URB1: variants seen among roughly 807,000 people sequenced by gnomAD.
URB1 encodes URB1 ribosome biogenesis factor, also known as nucleolar pre-ribosomal-associated protein 1.
URB1 carries 197 observed loss-of-function variants against 242.3 expected under a neutral mutation model. That is an observed-to-expected ratio of 0.81 (90% CI 0.72 to 0.91). The LOEUF (loss-of-function observed/expected upper bound fraction) is 0.91, where lower values mean the gene tolerates loss of function less well. Ranked by LOEUF, URB1 falls within the 40% of genes least tolerant of loss-of-function variation. URB1 has a pLI of 0.00. For synonymous variants in URB1, 1,153 were observed against 1,201.8 expected (o/e 0.96, Z 0.84); for missense variants, 2,721 against 2,860.5 (o/e 0.95, Z 1.11).
intron 26 of URB1, among the ~76,000 whole-genome samples, chr21:32,338,251 C>A (rs891864763): frequency 2.0e-5 from 3 of 152,130 alleles, no homozygotes; most frequent in African/African-American, 7.2e-5. Context: ...AGGGATGGAG[C>A]CTAAACTTAG....
intron 1 of URB1, among the ~76,000 whole-genome samples, chr21:32,391,193 A>G (rs1310791888): frequency 6.8e-6 from 1 of 146,070 alleles, no homozygotes. Flanking sequence ...CAGGAAGGGG[A>G]ACATCACACA....
intron 34 of URB1, among the ~76,000 whole-genome samples, 167 bp from the exon 35 acceptor site, chr21:32,320,807 TC>T (rs2032756053): frequency 6.6e-6 from 1 of 152,212 alleles, no homozygotes; most frequent in African/African-American, 2.4e-5. Flanking sequence ...AACGTGCCCT[TC>T]CCTACAAGAG....
In URB1 at chr21:32,357,479, A is replaced by G. The variant is rs774451623; in HGVS notation, c.1989+58T>C. ...AATAACTGTTAACTAAACACTTACC[A>G]TAAGGAAGATCTATACAAAATGCTT... is the stretch of plus-strand genomic sequence containing the variant. On this transcript the variant is annotated intron_variant, in intron 15 of 38. Coordinates refer to ENST00000382751, the MANE Select transcript of URB1 (RefSeq NM_014825.3). The G allele has an allele frequency of 2.3e-5, 33 of 1,410,016 alleles. 1 individual carries two copies. The South Asian group carries it at 3.9e-4, about 17-fold the overall frequency. 87.3% of individuals were successfully genotyped at this position (1,410,016 alleles called of 1,614,324 possible).
Position 32,347,881 on chromosome 21 carries a change from G to A in URB1, c.3013-70C>T, listed in dbSNP as rs560968081. 236 of 1,461,852 alleles carry A rather than the reference G, an allele frequency of 1.6e-4. 3 individuals carry two copies. In the African/African-American group the frequency reaches 2.0e-3, roughly 13 times the overall value. 90.6% of individuals were successfully genotyped at this position (1,461,852 alleles called of 1,614,324 possible). A position where few individuals can be genotyped will look rare whatever the true frequency, so the allele number is the denominator to read the frequency against. ...CTAAGACAGGGGCGGCAGCTGCCAC[G>A]CAAGTATTCACTGTTGTTAGCGAGA... On this transcript the variant is annotated intron_variant, in intron 21 of 38. Coordinates refer to ENST00000382751, the MANE Select transcript of URB1 (RefSeq NM_014825.3).
In URB1 at chr21:32,392,933, C is replaced by A; in HGVS notation, c.-23G>T. ...CATGGCCGAGAGGGCGGAAGCGCGA[C>A]GGAAACGACACACCTGAGGGGACCC... is the stretch of plus-strand genomic sequence containing the variant. On this transcript the variant is annotated 5_prime_UTR_variant, in exon 1 of 39. Transcript: ENST00000382751. 2.0e-6 allele frequency: 3 copies of A among 1,492,914 alleles called. No individual in the cohort carries two copies. Among genetic ancestry groups the A allele is most frequent in the Non-Finnish European group, 2.7e-6 (3 of 1,121,800 alleles). The allele number at this position is 1,492,914 out of a possible 1,614,324, so 92.5% of individuals were successfully genotyped here. A position where few individuals can be genotyped will look rare whatever the true frequency, so the allele number is the denominator to read the frequency against.
At chr21:32,329,047 T>C (rs576699300) in intron 30 of URB1, among the ~76,000 whole-genome samples, 1 of 150,242 alleles carries the variant, frequency 6.7e-6, no homozygotes, top group East Asian at 2.0e-4. Context: ...GAGGCTGAGG[T>C]GGGAGGATTA....
chr21:32,331,611 G>A (rs1043973208), intron 30 of URB1, among the ~76,000 whole-genome samples: 4 of 152,156 alleles, frequency 2.6e-5, no homozygotes, highest in Non-Finnish European at 5.9e-5. Flanking sequence ...TGGAAACATC[G>A]ACAGGCTCTC....
Position 32,316,956 on chromosome 21 carries a change from C to T in URB1, c.6144G>A (p.Met2048Ile). 1.9e-6 allele frequency: 3 copies of T among 1,551,728 alleles called. No homozygotes were observed. Among genetic ancestry groups the T allele is most frequent in the Non-Finnish European group, 2.6e-6 (3 of 1,146,992 alleles). Reference sequence around the variant, plus strand: ...CCTTGCATGTCTCCAAGGTAGATGCCATCAGCTCAGGGTCAGCCATCTCCT... The same window carrying T: ...CCTTGCATGTCTCCAAGGTAGATGCTATCAGCTCAGGGTCAGCCATCTCCT... ...EAEEMADPEL[M>I]ASTLETCKGL... Residue 2048 changes from methionine to isoleucine, a missense_variant, in exon 38 of 39, where the codon ATG becomes ATA. Coordinates refer to ENST00000382751, the MANE Select transcript of URB1 (RefSeq NM_014825.3).
chr21:32,320,871 C>G (rs2032757005), intron 34 of URB1, among the ~76,000 whole-genome samples: 1 of 152,204 alleles, frequency 6.6e-6, no homozygotes. Context: ...GGGATCCCCA[C>G]TTCCGTTAAT....
chr21:32,385,879 C>T (rs980188164), intron 1 of URB1, among the ~76,000 whole-genome samples, 195 bp from the exon 2 acceptor site: 7 of 152,196 alleles, frequency 4.6e-5, no homozygotes, highest in Admixed American at 4.6e-4. Context: ...CGGCCGGGCG[C>T]GGTGGCTCAC....
chr21:32,362,550 T>G (rs185376555), intron 11 of URB1, among the ~76,000 whole-genome samples: 1 of 152,178 alleles, frequency 6.6e-6, no homozygotes, highest in Admixed American at 6.5e-5. Flanking sequence ...CAGTAAGGAT[T>G]TGGTGAACAG....
At chr21:32,348,869 A>G (rs2033124294) in intron 21 of URB1, among the ~76,000 whole-genome samples, 1 of 152,254 alleles carries the variant, frequency 6.6e-6, no homozygotes, top group African/African-American at 2.4e-5. Flanking sequence ...GTTACATGGC[A>G]AACTGTGAAA....
chr21:32,372,594 T>C lies in URB1; in HGVS notation c.914A>G (p.Glu305Gly). ...AEEAGKTMVR[E>G]LVHNFLMDLC... ...ATCCATCAGGAAGTTATGAACAAGC[T>C]CCCGCACCATGGTTTTCCCTGCTTC... The change falls in exon 8 of 39, where the codon GAG (glutamate) becomes GGG (glycine). Residue 305 changes from glutamate to glycine, a missense_variant. Transcript: ENST00000382751. The C allele has an allele frequency of 6.4e-7, 1 of 1,551,042 alleles. No homozygotes were observed. The highest frequency in any genetic ancestry group is 2.4e-5 in the East Asian group (1 of 40,922).
At chr21:32,352,647 C>A (rs1034181085) in intron 19 of URB1, 63 bp downstream of exon 19, 1 of 1,541,596 alleles carries the variant, frequency 6.5e-7, no homozygotes, top group South Asian at 1.2e-5. Context: ...GTGGCCCAGC[C>A]AGCTGGGACC....
intron 5 of URB1, among the ~76,000 whole-genome samples, chr21:32,376,864 T>C (rs569653804): frequency 6.6e-6 from 1 of 152,262 alleles, no homozygotes; most frequent in South Asian, 2.1e-4. Flanking sequence ...CTCACTATGT[T>C]GTCCAGGATG....
chr21:32,347,051 C>A lies in URB1; in HGVS notation c.3773G>T (p.Gly1258Val). 2 of 1,550,170 alleles carry A rather than the reference C, an allele frequency of 1.3e-6. No individual in the cohort carries two copies. The highest frequency in any genetic ancestry group is 1.7e-6 in the Non-Finnish European group (2 of 1,146,270). ...FEQWCLQAGPGLGLQGDLDDF... is the reference protein window; with the variant it reads ...FEQWCLQAGPVLGLQGDLDDF... ...GTCCAGGTCCCCCTGGAGGCCGAGC[C>A]CTGGGCCAGCCTGCAGGCACCACTG... Residue 1258 changes from glycine to valine, a missense_variant, in exon 22 of 39, where the codon GGG (glycine) becomes GTG (valine). Physicochemically the swap from Gly to Val is moderately radical, Grantham distance 109 (BLOSUM62 -3). Coordinates refer to ENST00000382751, the MANE Select transcript of URB1 (RefSeq NM_014825.3).
At chr21:32,367,006 T>A (rs1414273457) in intron 9 of URB1, among the ~76,000 whole-genome samples, 1 of 152,144 alleles carries the variant, frequency 6.6e-6, no homozygotes, top group African/African-American at 2.4e-5. Context: ...GCAGAGTCTC[T>A]TAAAACCTCT....
At chr21:32,378,681 A>G in intron 4 of URB1, 140 bp from the exon 5 acceptor site, 1 of 703,756 alleles carries the variant, frequency 1.4e-6, no homozygotes, top group South Asian at 1.7e-5. Flanking sequence ...CAGGGGATGC[A>G]AGTCTGAAAC....
At position 32,316,980 on chromosome 21, in the gene URB1, C is replaced by G. The variant is rs1327399756; in HGVS notation, c.6120G>C (p.Glu2040Asp). The G allele has an allele frequency of 6.4e-7, 1 of 1,551,712 alleles. No homozygotes were observed. Among genetic ancestry groups the G allele is most frequent in the Non-Finnish European group, 8.7e-7 (1 of 1,146,992 alleles). Residue 2040 changes from glutamate (E) to aspartate (D), a missense_variant, in exon 38 of 39, where the codon GAG becomes GAC. Transcript: ENST00000382751. ...RGRKRRPGEA[E>D]EMADPELMAS... Reference sequence around the variant, plus strand: ...CCATCAGCTCAGGGTCAGCCATCTCCTCTGCCTCCCCAGGCCTCCTCTTTC... The same window carrying G: ...CCATCAGCTCAGGGTCAGCCATCTCGTCTGCCTCCCCAGGCCTCCTCTTTC...
Sources: allele counts gnomAD v4.1 joint callset (sites outside exome capture counted in the v4.1 genomes callset), GRCh38; gene constraint gnomAD v4.1.1; transcripts MANE v1.5; gene names NCBI Gene and HGNC (gene_info 2026-07-23, HGNC 2026-07-21).